MKLN1: variants seen among roughly 807,000 people sequenced by gnomAD.
The protein encoded by MKLN1 is muskelin.
A neutral mutation model predicts 99.0 loss-of-function variants in MKLN1; 18 were observed. The observed-to-expected ratio is 0.18, with a 90% CI of 0.13 to 0.27. The LOEUF (loss-of-function observed/expected upper bound fraction) is 0.27. Among genes scored for constraint, MKLN1 ranks in the 10% least tolerant of loss-of-function variants. The pLI, the probability that MKLN1 is intolerant of heterozygous loss-of-function variation, is 1.00. For missense variants in MKLN1, 621 were observed against 875.9 expected, an observed-to-expected ratio of 0.71 and a Z score of 3.67; for synonymous variants, 288 against 293.2, an observed-to-expected ratio of 0.98 and a Z score of 0.18.
intron 12 of MKLN1, among the ~76,000 whole-genome samples, chr7:131,449,527 T>A (rs1188079140): frequency 6.6e-6 from 1 of 152,252 alleles, no homozygotes; most frequent in Non-Finnish European, 1.5e-5. Context: ...GGGTTGAGCA[T>A]CTGGTTAGAA....
At chr7:131,305,485 GCT>G (rs1385114517) in intron 3 of MKLN1, among the ~76,000 whole-genome samples, 1 of 152,160 alleles carries the variant, frequency 6.6e-6, no homozygotes, top group Non-Finnish European at 1.5e-5. Context: ...TCACTGATTA[GCT>G]CTATTTCCTT....
chr7:131,171,070 C>G (rs965637163), intron 2 of MKLN1, among the ~76,000 whole-genome samples: 1 of 152,102 alleles, frequency 6.6e-6, no homozygotes, highest in Admixed American at 6.5e-5. Flanking sequence ...TTAAACAACC[C>G]GACATCATAA....
chr7:131,366,837 A>G (rs34271339), intron 1 of MKLN1, among the ~76,000 whole-genome samples: 3,069 of 152,230 alleles, frequency 0.02, 44 homozygotes, highest in Non-Finnish European at 0.03. Flanking sequence ...TAGTAATTTG[A>G]AAGGTATATT....
At chr7:131,406,690 A>C (rs1464055541) in intron 6 of MKLN1, among the ~76,000 whole-genome samples, 1 of 152,002 alleles carries the variant, frequency 6.6e-6, no homozygotes, top group South Asian at 2.1e-4. Context: ...CAACTCTCTC[A>C]GAATTGATGG....
intron 1 of MKLN1, among the ~76,000 whole-genome samples, chr7:131,119,137 C>T (rs983714860): frequency 3.9e-5 from 6 of 152,338 alleles, no homozygotes; most frequent in Middle Eastern, 3.4e-3. Context: ...TTCCAAGATA[C>T]GATGGGGGTA....
chr7:131,402,078 C>G (rs1794563595), intron 6 of MKLN1, among the ~76,000 whole-genome samples: 1 of 152,152 alleles, frequency 6.6e-6, no homozygotes, highest in South Asian at 2.1e-4. Flanking sequence ...GCAATGCTGT[C>G]TGATTGCATT....
At chr7:131,271,998 A>G (rs1320879744) in intron 3 of MKLN1, among the ~76,000 whole-genome samples, 1 of 151,950 alleles carries the variant, frequency 6.6e-6, no homozygotes, top group Non-Finnish European at 1.5e-5. Flanking sequence ...TTCCCCGTAC[A>G]TCTCCATGGG....
intron 2 of MKLN1, among the ~76,000 whole-genome samples, chr7:131,169,714 G>A (rs1164990482): frequency 6.6e-6 from 1 of 151,994 alleles, no homozygotes; most frequent in African/African-American, 2.4e-5. Flanking sequence ...AGGACTAATA[G>A]GATTTTAGAG....
chr7:131,278,884 C>G (rs1211164055), intron 3 of MKLN1, among the ~76,000 whole-genome samples: 3 of 152,210 alleles, frequency 2.0e-5, no homozygotes, highest in Non-Finnish European at 4.4e-5. Context: ...CAGGCCTGAG[C>G]CATTGTGCCT....
At chr7:131,120,182 A>AAG (rs1795341905) in intron 1 of MKLN1, among the ~76,000 whole-genome samples, 2 of 148,110 alleles carry the variant, frequency 1.4e-5, no homozygotes, top group Admixed American at 1.4e-4. Context: ...AAAAAAAAAA[A>AAG]AAAAAAAGAA....
chr7:131,447,686 T>TG (rs1223155663), intron 12 of MKLN1, among the ~76,000 whole-genome samples: 1 of 152,214 alleles, frequency 6.6e-6, no homozygotes, highest in African/African-American at 2.4e-5. Context: ...ACGGACACAG[T>TG]GGATACAAGG....
chr7:131,483,926 T>G (rs1459953722), intron 17 of MKLN1, among the ~76,000 whole-genome samples: 1 of 152,194 alleles, frequency 6.6e-6, no homozygotes, highest in Non-Finnish European at 1.5e-5. Flanking sequence ...TTCACAAATA[T>G]GGAATCTGTA....
At chr7:131,118,753 G>A (rs1288534756) in intron 1 of MKLN1, among the ~76,000 whole-genome samples, 1 of 152,142 alleles carries the variant, frequency 6.6e-6, no homozygotes, top group Non-Finnish European at 1.5e-5. Flanking sequence ...GAAAGAGAAT[G>A]AAGGGGGAAG....
chr7:131,212,878 G>A (rs1045802664), intron 3 of MKLN1, among the ~76,000 whole-genome samples: 1 of 150,348 alleles, frequency 6.7e-6, no homozygotes, highest in Non-Finnish European at 1.5e-5. Context: ...AGCCGAGATC[G>A]CACCATTGTA....
intron 6 of MKLN1, among the ~76,000 whole-genome samples, chr7:131,405,609 T>C (rs1296106267): frequency 1.3e-5 from 2 of 152,144 alleles, no homozygotes; most frequent in Non-Finnish European, 2.9e-5. Context: ...TTTCCTCCTC[T>C]TGTTCTTTAG....
intron 16 of MKLN1, chr7:131,471,263 G>A: frequency 4.9e-6 from 1 of 203,694 alleles, no homozygotes; most frequent in Non-Finnish European, 9.7e-6. Flanking sequence ...TTTACTTAAG[G>A]ATTACATAAT....
intron 3 of MKLN1, among the ~76,000 whole-genome samples, chr7:131,263,346 T>TAATAACAA (rs1554544033): frequency 7.8e-6 from 1 of 128,134 alleles, no homozygotes; most frequent in South Asian, 3.2e-4. Context: ...TCTACAATTA[T>TAATAACAA]TAATAATAAT....
intron 1 of MKLN1, among the ~76,000 whole-genome samples, chr7:131,372,405 GA>G (rs1286971988): frequency 1.3e-5 from 2 of 151,990 alleles, no homozygotes; most frequent in Non-Finnish European, 1.5e-5. Context: ...AAAGCACAAA[GA>G]AAAAAATTAC....
intron 3 of MKLN1, among the ~76,000 whole-genome samples, chr7:131,205,339 C>T (rs1390079332): frequency 6.6e-6 from 1 of 152,012 alleles, no homozygotes; most frequent in Non-Finnish European, 1.5e-5. Flanking sequence ...CATTTCTTTT[C>T]TGTTGAAATT....
Sources: gnomAD v4.1 joint callset for allele counts (sites outside exome capture counted in the v4.1 genomes callset) on GRCh38, gnomAD v4.1.1 for gene constraint, MANE v1.5 for transcripts, NCBI Gene and HGNC (gene_info 2026-07-23, HGNC 2026-07-21) for gene names.